Variants in AMN1 observed in about 807,000 individuals in gnomAD.
AMN1 encodes antagonist of mitotic exit network 1 homolog.
AMN1 carries 20 observed loss-of-function variants against 33.0 expected under a neutral mutation model. The observed-to-expected ratio is 0.61, with a 90% CI of 0.43 to 0.88. The LOEUF (loss-of-function observed/expected upper bound fraction) is 0.88, where lower values mean the gene tolerates loss of function less well. Among genes scored for constraint, AMN1 ranks in the 40% least tolerant of loss-of-function variants. AMN1 has a pLI of 0.00. For missense variants in AMN1, 246 were observed against 307.4 expected (o/e 0.80, Z 1.49); for synonymous variants, 114 against 111.9 (o/e 1.02, Z -0.12).
chr12:31,700,104 C>T (rs1938924785), intron 3 of AMN1, among the ~76,000 whole-genome samples: 1 of 150,902 alleles, frequency 6.6e-6, no homozygotes, highest in African/African-American at 2.4e-5. Flanking sequence ...ACTACCCACA[C>T]AGTTTTCCAG....
At chr12:31,691,634 T>C (rs1478102665) in intron 5 of AMN1, among the ~76,000 whole-genome samples, 2 of 152,278 alleles carry the variant, frequency 1.3e-5, no homozygotes, top group East Asian at 3.9e-4. Context: ...ACATATATTA[T>C]GAAGCTATTA....
intron 1 of AMN1, among the ~76,000 whole-genome samples, chr12:31,716,594 A>C (rs1306179608): frequency 6.6e-6 from 1 of 152,228 alleles, no homozygotes; most frequent in Non-Finnish European, 1.5e-5. Flanking sequence ...TCTCTGATTA[A>C]TATGGGTACA....
chr12:31,699,536 A>G (rs1938897400), intron 3 of AMN1, among the ~76,000 whole-genome samples: 1 of 152,080 alleles, frequency 6.6e-6, no homozygotes, highest in Non-Finnish European at 1.5e-5. Flanking sequence ...AGGGCAGTGT[A>G]TCCCAACTCC....
At chr12:31,684,182 AAT>A (rs1938151520) in intron 6 of AMN1, among the ~76,000 whole-genome samples, 1 of 152,178 alleles carries the variant, frequency 6.6e-6, no homozygotes, top group Non-Finnish European at 1.5e-5. Context: ...TCATAACACA[AAT>A]GTATGAAAAG....
Position 31,708,762 on chromosome 12 carries a change from C to T in AMN1, c.171+531G>A, listed in dbSNP as rs543045319. ...CTTTCTCTTTATTTCTCAGACCAGCCGACACTTAGGAAAAATAGAAAGAAC... is the reference window on the plus strand; with the variant it reads ...CTTTCTCTTTATTTCTCAGACCAGCTGACACTTAGGAAAAATAGAAAGAAC... On this transcript the variant is annotated intron_variant, in intron 2 of 6. Coordinates refer to ENST00000281471, the MANE Select transcript of AMN1 (RefSeq NM_001113402.2). 61 of 171,156 alleles carry T rather than the reference C, an allele frequency of 3.6e-4. No homozygotes were observed. The South Asian group carries it at 6.3e-3, about 18-fold the overall frequency. 10.6% of individuals were successfully genotyped at this position (171,156 alleles called of 1,614,324 possible).
intron 2 of AMN1, chr12:31,708,808 C>A: frequency 5.5e-6 from 1 of 180,440 alleles, no homozygotes; most frequent in Non-Finnish European, 1.2e-5. Context: ...ATATTGGGGG[C>A]AGGTTCCTCT....
intron 1 of AMN1, among the ~76,000 whole-genome samples, chr12:31,728,705 C>G (rs1352661635): frequency 6.6e-6 from 1 of 152,192 alleles, no homozygotes; most frequent in Non-Finnish European, 1.5e-5. Context: ...GCCGGGGCGC[C>G]GAGCTGTCAA....
intron 1 of AMN1, among the ~76,000 whole-genome samples, chr12:31,718,036 A>G (rs189064925): frequency 6.6e-6 from 1 of 152,148 alleles, no homozygotes; most frequent in East Asian, 1.9e-4. Flanking sequence ...CCATTCTCTC[A>G]ATCACTTTCA....
intron 1 of AMN1, chr12:31,715,643 A>C (rs1384365017): frequency 6.4e-6 from 1 of 156,966 alleles, no homozygotes; most frequent in Admixed American, 6.5e-5. Flanking sequence ...AATTTCCTCC[A>C]GGGAAAGATC....
chr12:31,690,506 C>T (rs61373187), intron 5 of AMN1, among the ~76,000 whole-genome samples: 2,740 of 152,232 alleles, frequency 0.018, 73 homozygotes, highest in African/African-American at 0.062. Context: ...TCCGTAATCA[C>T]AAATGATGTT....
intron 2 of AMN1, among the ~76,000 whole-genome samples, chr12:31,708,322 G>A (rs573390447): frequency 6.6e-5 from 10 of 152,126 alleles, no homozygotes; most frequent in Non-Finnish European, 1.3e-4. Context: ...TCCTATGGGA[G>A]TGTCTGTCCT....
At chr12:31,679,950 C>A (rs1937920525) in intron 6 of AMN1, among the ~76,000 whole-genome samples, 1 of 151,588 alleles carries the variant, frequency 6.6e-6, no homozygotes, top group African/African-American at 2.4e-5. Flanking sequence ...AATGGTGAAA[C>A]CCTGTCTCTA....
intron 3 of AMN1, among the ~76,000 whole-genome samples, chr12:31,699,487 G>A (rs1018136553): frequency 6.7e-5 from 10 of 150,130 alleles, no homozygotes; most frequent in Admixed American, 4.0e-4. Flanking sequence ...AAGAAGACTT[G>A]ATGAGCTTCT....
intron 2 of AMN1, among the ~76,000 whole-genome samples, chr12:31,707,365 T>G (rs1303344807): frequency 6.6e-6 from 1 of 152,200 alleles, no homozygotes; most frequent in Non-Finnish European, 1.5e-5. Flanking sequence ...TGAAGACAAG[T>G]GTGTATGGAA....
At chr12:31,701,406 G>A (rs79948393) in intron 3 of AMN1, among the ~76,000 whole-genome samples, 3 of 151,202 alleles carry the variant, frequency 2.0e-5, no homozygotes, top group African/African-American at 7.3e-5. Flanking sequence ...AGGGATTCTC[G>A]TGCCTCCACC....
chr12:31,704,181 ACT>A (rs1454378921), intron 2 of AMN1, among the ~76,000 whole-genome samples: 3 of 152,186 alleles, frequency 2.0e-5, no homozygotes, highest in African/African-American at 7.2e-5. Flanking sequence ...ATCAATTTAC[ACT>A]CTCACTAGCA....
intron 5 of AMN1, among the ~76,000 whole-genome samples, chr12:31,693,772 C>T (rs1387805909): frequency 1.3e-5 from 2 of 151,924 alleles, no homozygotes; most frequent in Non-Finnish European, 2.9e-5. Context: ...AAACTCCCAA[C>T]CTCAGGTGAT....
chr12:31,694,117 G>A (rs149468932), intron 5 of AMN1, among the ~76,000 whole-genome samples: 131 of 150,926 alleles, frequency 8.7e-4, no homozygotes, highest in African/African-American at 2.8e-3. Flanking sequence ...GTAGGCCTCC[G>A]CATTACCTAT....
intron 6 of AMN1, among the ~76,000 whole-genome samples, chr12:31,681,778 C>T (rs1261390068): frequency 6.6e-6 from 1 of 152,098 alleles, no homozygotes; most frequent in Non-Finnish European, 1.5e-5. Context: ...GGGCCTCAAG[C>T]GATCCTCCCA....
Sources: gnomAD v4.1 joint callset for allele counts (sites outside exome capture counted in the v4.1 genomes callset) on GRCh38, gnomAD v4.1.1 for gene constraint, MANE v1.5 for transcripts, NCBI Gene and HGNC (gene_info 2026-07-23, HGNC 2026-07-21) for gene names.